LOXHD1: variants seen among roughly 807,000 people sequenced by gnomAD.
LOXHD1 encodes the protein lipoxygenase homology domain-containing protein 1.
LOXHD1 carries 205 observed loss-of-function variants against 248.2 expected under a neutral mutation model. The observed-to-expected ratio is 0.83, with a 90% CI of 0.74 to 0.93. The LOEUF is 0.93. LOXHD1 is among the 40% of genes least tolerant of loss of function. The pLI, the probability that LOXHD1 is intolerant of heterozygous loss-of-function variation, is 0.00. For synonymous variants in LOXHD1, 1,113 were observed against 1,162.8 expected (o/e 0.96, Z 0.87); for missense variants, 2,930 against 2,971.6 (o/e 0.99, Z 0.33).
At chr18:46,565,622 G>A (rs2037624717) in intron 17 of LOXHD1, among the ~76,000 whole-genome samples, 1 of 152,086 alleles carries the variant, frequency 6.6e-6, no homozygotes. Context: ...GGATGCTCAA[G>A]CCCCTCATAT....
intron 37 of LOXHD1, among the ~76,000 whole-genome samples, chr18:46,502,334 A>T (rs2034285312): frequency 6.6e-6 from 1 of 152,188 alleles, no homozygotes; most frequent in African/African-American, 2.4e-5. Context: ...GACAGAAGGT[A>T]TGGGAGCAAC....
chr18:46,552,577 C>G (rs2143904857), intron 21 of LOXHD1, among the ~76,000 whole-genome samples: 1 of 152,292 alleles, frequency 6.6e-6, no homozygotes, highest in Admixed American at 6.5e-5. Context: ...AGCCCCTGGA[C>G]CACACAGAGC....
At chr18:46,578,369 A>C (rs1021372050) in intron 13 of LOXHD1, among the ~76,000 whole-genome samples, 1 of 152,162 alleles carries the variant, frequency 6.6e-6, no homozygotes, top group African/African-American at 2.4e-5. Flanking sequence ...GAAACACTGA[A>C]GGTGGGATTG....
At chr18:46,573,595 C>T (rs1368695914) in intron 14 of LOXHD1, among the ~76,000 whole-genome samples, 1 of 152,178 alleles carries the variant, frequency 6.6e-6, no homozygotes, top group African/African-American at 2.4e-5. Flanking sequence ...GTAAAAGAAG[C>T]CAAGACACTA....
At chr18:46,551,941 A>C (rs1302621828) in intron 21 of LOXHD1, among the ~76,000 whole-genome samples, 1 of 152,258 alleles carries the variant, frequency 6.6e-6, no homozygotes, top group Non-Finnish European at 1.5e-5. Flanking sequence ...TAAGTGAAAC[A>C]AGCTAGACAC....
intron 29 of LOXHD1, among the ~76,000 whole-genome samples, chr18:46,526,085 T>C (rs1297797347): frequency 6.6e-6 from 1 of 152,122 alleles, no homozygotes; most frequent in African/African-American, 2.4e-5. Context: ...CAGATGTGGA[T>C]GGGAGCAGTC....
intron 1 of LOXHD1, among the ~76,000 whole-genome samples, chr18:46,656,235 G>A (rs868145041): frequency 2.0e-5 from 3 of 152,130 alleles, no homozygotes; most frequent in Admixed American, 6.5e-5. Flanking sequence ...CAGAAAAAAG[G>A]ATTTCAAAAC....
intron 18 of LOXHD1, among the ~76,000 whole-genome samples, chr18:46,561,955 C>A (rs1302899102): frequency 6.6e-6 from 1 of 152,208 alleles, no homozygotes; most frequent in African/African-American, 2.4e-5. Context: ...CTTCATCCAC[C>A]ACCACATCCA....
At chr18:46,483,531 G>T (rs956911858) in intron 40 of LOXHD1, 56 bp downstream of exon 40, 9 of 1,545,052 alleles carry the variant, frequency 5.8e-6, no homozygotes, top group Non-Finnish European at 7.9e-6. Flanking sequence ...GTCCAGCTCA[G>T]TCCCTGCCCC....
intron 6 of LOXHD1, among the ~76,000 whole-genome samples, chr18:46,607,054 T>C (rs1173234004): frequency 6.6e-6 from 1 of 151,736 alleles, no homozygotes; most frequent in Non-Finnish European, 1.5e-5. Flanking sequence ...TAATCCCAGC[T>C]ACTTGGGAGG....
chr18:46,601,434 T>C lies in LOXHD1; in HGVS notation c.917A>G (p.Asp306Gly), dbSNP rs1261820504. 6.4e-7 allele frequency: 1 copy of C among 1,551,456 alleles called. No individual in the cohort carries two copies. The highest frequency in any genetic ancestry group is 1.4e-5 in the African/African-American group (1 of 72,978). ...GGATTTGGTACCAGCCCCCCGGACA[T>C]CCCCAGTGAAGACGGTGACAATATA... ...ITYIVTVFTG[D>G]VRGAGTKSKI... Residue 306 changes from aspartate (D) to glycine (G), a missense_variant, in exon 8 of 41, where the codon GAT becomes GGT. By Grantham distance (94) the Asp-to-Gly change is moderately conservative. Transcript: ENST00000642948.
chr18:46,616,529 G>A lies in LOXHD1; in HGVS notation c.610+1663C>T, dbSNP rs74690951. 5.2e-3 allele frequency among the ~76,000 whole-genome samples: 795 copies of A among 152,208 alleles called. 20 individuals carry two copies. In the East Asian group the frequency reaches 0.073, roughly 14 times the overall value. On this transcript the variant is annotated intron_variant, in intron 5 of 40. Transcript: ENST00000642948. ...TTGTTGTTTTGTATAGTCAATGCTT[G>A]CTTAGATTCATTACATAGTTATCCA...
intron 20 of LOXHD1, chr18:46,559,069 C>G (rs1366167115): frequency 1.8e-6 from 2 of 1,085,598 alleles, no homozygotes; most frequent in African/African-American, 3.2e-5. Context: ...CTACACCATA[C>G]TCACCTGCCA....
chr18:46,651,034 C>T (rs1049966526), intron 1 of LOXHD1, among the ~76,000 whole-genome samples: 1 of 152,180 alleles, frequency 6.6e-6, no homozygotes, highest in African/African-American at 2.4e-5. Context: ...TTAAAACTAC[C>T]GTTCATACGG....
rs146912450 is a variant in LOXHD1, at chr18:46,610,939, A to G, written c.611-15T>C. The G allele has an allele frequency of 1.1e-3, 1,713 of 1,549,642 alleles. 21 individuals are homozygous for G. In the African/African-American group the frequency reaches 0.021, roughly 19 times the overall value. On this transcript the variant is annotated splice_polypyrimidine_tract_variant and intron_variant, in intron 5 of 40. Transcript: ENST00000642948. The stretch of plus-strand genomic sequence containing the variant: ...CCTACGCTCCCCTGTATGCACAGAC[A>G]TACAAAAGAAATTACAAAAAGACCA...
chr18:46,656,868 T>G, intron 1 of LOXHD1, 36 bp downstream of exon 1: 1 of 1,547,974 alleles, frequency 6.5e-7, no homozygotes, highest in Non-Finnish European at 8.7e-7. Context: ...CGCAGCCAGC[T>G]GCACCACCCG....
At chr18:46,560,052 T>TACCC in intron 19 of LOXHD1, 31 bp downstream of exon 19, 104 of 441,014 alleles carry the variant, frequency 2.4e-4, no homozygotes, top group Non-Finnish European at 3.3e-4. Flanking sequence ...GGCCACTCCC[T>TACCC]CCCCACCCCC....
intron 4 of LOXHD1, 99 bp downstream of exon 4, chr18:46,639,517 G>T: frequency 1.5e-6 from 2 of 1,361,950 alleles, no homozygotes; most frequent in Non-Finnish European, 2.0e-6. Context: ...CCAAGATGAG[G>T]TAGGTGAGAC....
chr18:46,519,170 T>A, intron 33 of LOXHD1: 1 of 887,162 alleles, frequency 1.1e-6, no homozygotes, highest in Non-Finnish European at 1.4e-6. Context: ...TCTCACCAAG[T>A]GCCCCTGGAC....
Sources: gnomAD v4.1 joint callset for allele counts (sites outside exome capture counted in the v4.1 genomes callset) on GRCh38, gnomAD v4.1.1 for gene constraint, MANE v1.5 for transcripts, NCBI Gene and HGNC (gene_info 2026-07-23, HGNC 2026-07-21) for gene names.